SRCAP: variants seen among roughly 807,000 people sequenced by gnomAD.
SRCAP encodes Snf2 related CREBBP activator protein, also known as chromatin remodeling protein SRCAP.
SRCAP carries 46 observed loss-of-function variants against 263.1 expected under a neutral mutation model. The observed-to-expected ratio is 0.17, with a 90% CI of 0.14 to 0.22. The LOEUF is 0.22. Ranked by LOEUF, SRCAP falls within the 10% of genes least tolerant of loss-of-function variation. The pLI is 1.00. For synonymous variants in SRCAP, 1,813 were observed against 1,662.1 expected (o/e 1.09, Z -2.21); for missense variants, 3,695 against 4,181.9 (o/e 0.88, Z 3.21).
intron 3 of SRCAP, among the ~76,000 whole-genome samples, chr16:30,703,146 A>G (rs1166642142): frequency 2.1e-5 from 3 of 141,726 alleles, no homozygotes; most frequent in Non-Finnish European, 4.4e-5. Context: ...TTGAAATCAT[A>G]TGCTATATAT....
chr16:30,735,659 C>T (rs571135425), intron 31 of SRCAP, among the ~76,000 whole-genome samples: 1 of 140,412 alleles, frequency 7.1e-6, no homozygotes, highest in Admixed American at 8.1e-5. Context: ...CGGCTCACTA[C>T]AGCCTCCACC....
At position 30,711,023 on chromosome 16, in the gene SRCAP, C is replaced by A; in HGVS notation, c.1253C>A (p.Ala418Glu). 6.2e-7 allele frequency: 1 copy of A among 1,614,052 alleles called. No individual in the cohort carries two copies. Among genetic ancestry groups the A allele is most frequent in the Non-Finnish European group, 8.5e-7 (1 of 1,179,972 alleles). ...GCGGAGGATGAAGAGGATACTATAG[C>A]AGCTGAGGAACAGTTGGAAGGGGAG... Reference protein sequence around the residue: ...EEAEDEEDTIAAEEQLEGEVD... With the variant: ...EEAEDEEDTIEAEEQLEGEVD... Residue 418 changes from alanine to glutamate, a missense_variant, in exon 10 of 34, where the codon GCA (alanine) becomes GAA (glutamate). Physicochemically the swap from Ala to Glu is moderately radical, Grantham distance 107. This residue lies in a region of SRCAP where 288 missense variants were observed against 302.4 expected (regional missense o/e 0.95). Transcript: ENST00000262518.
At position 30,721,349 on chromosome 16, in the gene SRCAP, C is replaced by G. The variant is rs1216998168; in HGVS notation, c.3414C>G (p.Thr1138=). The part of the protein sequence containing the change: ...LKPLTVPPGY[T]FPPAAATTTS... ...CCCTGACAGTGCCACCAGGCTACAC[C>G]TTCCCTCCTGCTGCTGCCACCACCA... Residue 1138 remains threonine, a synonymous_variant, in exon 21 of 34, where the codon ACC becomes ACG. Transcript: ENST00000262518. 6.2e-7 allele frequency: 1 copy of G among 1,614,154 alleles called. No individual in the cohort carries two copies. Among genetic ancestry groups the G allele is most frequent in the Admixed American group, 1.7e-5 (1 of 60,036 alleles).
At chr16:30,703,126 C>T (rs985481430) in intron 3 of SRCAP, among the ~76,000 whole-genome samples, 4 of 150,142 alleles carry the variant, frequency 2.7e-5, no homozygotes, top group South Asian at 4.2e-4. Context: ...GGCTCTGAAA[C>T]GATCAGAATT....
rs774049834 is a variant in SRCAP, at chr16:30,739,347, G to C, written c.9307G>C (p.Gly3103Arg). 9 of 1,614,156 alleles carry C rather than the reference G, an allele frequency of 5.6e-6. No homozygotes were observed. The highest frequency in any genetic ancestry group is 1.3e-5 in the African/African-American group (1 of 75,046). Reference protein sequence around the residue: ...DLDLADSGPGGLELTPPVVSL... With the variant: ...DLDLADSGPGRLELTPPVVSL... The stretch of plus-strand genomic sequence containing the variant: ...GGACTTAGCAGATAGCGGGCCAGGC[G>C]GGTTGGAATTGACACCACCTGTGGT... The change falls in exon 34 of 34, where the codon GGG (glycine) becomes CGG (arginine). Residue 3103 changes from glycine (G) to arginine (R), a missense_variant. Gly to Arg is a moderately radical substitution (Grantham distance 125, BLOSUM62 -2). Transcript: ENST00000262518.
chr16:30,713,350 G>A lies in SRCAP; in HGVS notation c.2273G>A (p.Arg758His). 5 of 1,614,146 alleles carry A rather than the reference G, an allele frequency of 3.1e-6. No individual in the cohort carries two copies. The highest frequency in any genetic ancestry group is 4.2e-6 in the Non-Finnish European group (5 of 1,180,038). Residue 758 changes from arginine to histidine, a missense_variant, in exon 15 of 34, where the codon CGC becomes CAC. Around this residue, in one of 12 missense-constraint regions of SRCAP, gnomAD observed 121 missense variants for 330.7 expected, o/e 0.37. Transcript: ENST00000262518. ...AACATCAAGAACTTCAAGTCACAGCGCTGGCAGTCACTCCTCAACTTCAAC... is the reference window on the plus strand; with the variant it reads ...AACATCAAGAACTTCAAGTCACAGCACTGGCAGTCACTCCTCAACTTCAAC... ...AQNIKNFKSQ[R>H]WQSLLNFNSQ...
chr16:30,709,407 GA>G, intron 6 of SRCAP, 105 bp from the exon 7 acceptor site: 2 of 1,206,736 alleles, frequency 1.7e-6, no homozygotes, highest in South Asian at 2.6e-5. Flanking sequence ...ACTTTCCTAA[GA>G]GGCCAGCCCA....
At chr16:30,710,934 A>C (rs1299258377) in intron 9 of SRCAP, 65 bp from the exon 10 acceptor site, 3 of 1,598,758 alleles carry the variant, frequency 1.9e-6, no homozygotes, top group Admixed American at 3.3e-5. Flanking sequence ...CATCTGTTTC[A>C]TTTGGACTGT....
intron 6 of SRCAP, 22 bp downstream of exon 6, chr16:30,707,734 A>G: frequency 6.2e-7 from 1 of 1,613,678 alleles, no homozygotes; most frequent in Non-Finnish European, 8.5e-7. Context: ...GGATCAGGAA[A>G]GGAAAATGGC....
chr16:30,709,868 CAAGAGGATGAGG>C lies in SRCAP; in HGVS notation c.885_896del (p.Glu295_Asp298del). Reference sequence around the variant, plus strand: ...TGCTATAGATGGGGACTTTCAACCCCAAGAGGATGAGGAAGAGGATGATGAGGAAACGATTGA... The same window carrying C: ...TGCTATAGATGGGGACTTTCAACCCCAAGAGGATGATGAGGAAACGATTGA... On this transcript the variant is annotated inframe_deletion, in exon 8 of 34. Coordinates refer to ENST00000262518, the MANE Select transcript of SRCAP (RefSeq NM_006662.3). The C allele has an allele frequency of 6.2e-7, 1 of 1,614,066 alleles. No homozygotes were observed. Among genetic ancestry groups the C allele is most frequent in the Non-Finnish European group, 8.5e-7 (1 of 1,180,012 alleles).
intron 2 of SRCAP, 31 bp from the exon 3 acceptor site, chr16:30,700,581 TTCTG>T (rs914287655): frequency 2.1e-5 from 9 of 420,878 alleles, no homozygotes; most frequent in East Asian, 1.4e-4. Flanking sequence ...TTAACTGCAT[TTCTG>T]TCTTTTTTTT....
Position 30,739,805 on chromosome 16 carries a change from A to G in SRCAP, c.*72A>G, listed in dbSNP as rs1478163895. 6 of 1,430,558 alleles carry G rather than the reference A, an allele frequency of 4.2e-6. No homozygotes were observed. Among genetic ancestry groups the G allele is most frequent in the Non-Finnish European group, 5.5e-6 (6 of 1,089,026 alleles). The allele number at this position is 1,430,558 out of a possible 1,614,324, so 88.6% of individuals were successfully genotyped here. A position where few individuals can be genotyped will look rare whatever the true frequency, so the allele number is the denominator to read the frequency against. On this transcript the variant is annotated 3_prime_UTR_variant, in exon 34 of 34. Transcript: ENST00000262518. The stretch of plus-strand genomic sequence containing the variant: ...ATGACCAGGCCTGACTCTGTTAACC[A>G]CTACTTGAAGTCTTGAGGGGGAAAG...
chr16:30,708,124 T>G (rs180694917), intron 6 of SRCAP, among the ~76,000 whole-genome samples: 12 of 152,214 alleles, frequency 7.9e-5, no homozygotes, highest in Non-Finnish European at 1.3e-4. Flanking sequence ...CACCCACCTT[T>G]CTTTTGTATA....
At chr16:30,730,299 C>T (rs905033273) in intron 27 of SRCAP, among the ~76,000 whole-genome samples, 1 of 128,312 alleles carries the variant, frequency 7.8e-6, no homozygotes, top group Admixed American at 8.1e-5. Flanking sequence ...TTTGTGTTGA[C>T]TAGAATTATT....
At position 30,737,193 on chromosome 16, in the gene SRCAP, G is replaced by A. The variant is rs1442751602; in HGVS notation, c.7153G>A (p.Ala2385Thr). The change falls in exon 34 of 34, where the codon GCC becomes ACC. Residue 2385 changes from alanine (A) to threonine (T), a missense_variant. Transcript: ENST00000262518. ...AGGCACCCACCGGCGCAGTAAAAAG[G>A]CCAAAGCCCCTGAGAGGCCGGGGAC... The part of the protein sequence containing the change: ...GGGTHRRSKK[A>T]KAPERPGTRV... 2 of 1,613,952 alleles carry A rather than the reference G, an allele frequency of 1.2e-6. No individual in the cohort carries two copies. The highest frequency in any genetic ancestry group is 1.3e-5 in the African/African-American group (1 of 74,864).
intron 24 of SRCAP, 45 bp from the exon 25 acceptor site, chr16:30,723,539 C>T: frequency 6.4e-7 from 1 of 1,574,152 alleles, no homozygotes; most frequent in South Asian, 1.2e-5. Flanking sequence ...AGTAGAAAGG[C>T]TCAGGAAAAG....
intron 5 of SRCAP, 47 bp from the exon 6 acceptor site, chr16:30,707,525 G>C: frequency 6.2e-7 from 1 of 1,608,376 alleles, no homozygotes; most frequent in Non-Finnish European, 8.5e-7. Flanking sequence ...CTTTGGGTGG[G>C]GAAGTCTGGC....
chr16:30,724,527 T>A lies in SRCAP; in HGVS notation c.5103T>A (p.Ser1701=). Residue 1701 remains serine (S), a synonymous_variant, in exon 25 of 34, where the codon TCT becomes TCA. Coordinates refer to ENST00000262518, the MANE Select transcript of SRCAP (RefSeq NM_006662.3). The part of the protein sequence containing the change: ...LGGSSPSQTL[S]LGTGNPQGPF... ...GCTCATCTCCATCTCAGACACTCTC[T>A]TTGGGAACGGGGAACCCCCAGGGAC... The A allele has an allele frequency of 6.2e-7, 1 of 1,614,116 alleles. No homozygotes were observed. The highest frequency in any genetic ancestry group is 1.1e-5 in the South Asian group (1 of 91,080).
intron 16 of SRCAP, among the ~76,000 whole-genome samples, chr16:30,715,734 C>T (rs533328668): frequency 6.6e-6 from 1 of 152,160 alleles, no homozygotes; most frequent in African/African-American, 2.4e-5. Flanking sequence ...CCTGTCAAGG[C>T]CACAGTTTTT....
Sources: allele counts gnomAD v4.1 joint callset (sites outside exome capture counted in the v4.1 genomes callset), GRCh38; gene constraint gnomAD v4.1.1; regional missense constraint gnomAD v4.1.1; transcripts MANE v1.5; gene names NCBI Gene and HGNC (gene_info 2026-07-23, HGNC 2026-07-21).